The following CSNK1G3 variants were observed in gnomAD, a reference collection of about 807,000 sequenced individuals.
CSNK1G3 encodes the protein casein kinase 1 gamma 3, also known as casein kinase I isoform gamma-3.
CSNK1G3 carries 23 observed loss-of-function variants against 64.3 expected under a neutral mutation model. The observed-to-expected ratio is 0.36, with a 90% CI of 0.26 to 0.51. CSNK1G3 has a LOEUF of 0.51. Among genes scored for constraint, CSNK1G3 ranks in the 20% least tolerant of loss-of-function variants. The pLI is 0.96. For missense variants in CSNK1G3, 357 were observed against 510.5 expected (o/e 0.70, Z 2.90); for synonymous variants, 158 against 162.2 (o/e 0.97, Z 0.20).
At chr5:123,604,920 ATTT>A in intron 11 of CSNK1G3, 90 bp downstream of exon 12, 1 of 1,046,946 alleles carries the variant, frequency 9.6e-7, no homozygotes, top group Non-Finnish European at 1.4e-6. Flanking sequence ...ATTTCAGGAA[ATTT>A]TTTTCAGGGA....
intron 10 of CSNK1G3, among the ~76,000 whole-genome samples, chr5:123,598,622 A>T (rs1793878398): frequency 6.6e-6 from 1 of 152,106 alleles, no homozygotes; most frequent in Admixed American, 6.6e-5. Flanking sequence ...AGAGAGAGAC[A>T]TATTGAGGAA....
intron 1 of CSNK1G3, among the ~76,000 whole-genome samples, chr5:123,516,297 G>A (rs769685401): frequency 3.9e-5 from 6 of 152,124 alleles, no homozygotes; most frequent in African/African-American, 7.2e-5. Context: ...TTCTTAATGT[G>A]TAGAAATCAA....
At chr5:123,545,590 C>A in exon 2 of CSNK1G3, 1 of 1,239,762 alleles carries the variant, frequency 8.1e-7, no homozygotes, top group Non-Finnish European at 1.1e-6. Context: ...AGTGATGTAC[C>A]TATTTTCACA....
intron 2 of CSNK1G3, among the ~76,000 whole-genome samples, chr5:123,547,475 A>AAAGCTAGTTGACCATTTTAAC (rs1561494982): frequency 6.6e-6 from 1 of 152,174 alleles, no homozygotes; most frequent in Non-Finnish European, 1.5e-5. Context: ...GTATTCACAC[A>AAAGCTAGTTGACCATTTTAAC]AAGCTAGTTG....
intron 4 of CSNK1G3, among the ~76,000 whole-genome samples, chr5:123,571,909 A>T (rs560410286): frequency 6.6e-6 from 1 of 152,324 alleles, no homozygotes; most frequent in African/African-American, 2.4e-5. Context: ...GTTATTTACG[A>T]GTGGGCATTA....
intron 8 of CSNK1G3, among the ~76,000 whole-genome samples, chr5:123,588,826 T>A (rs1609850): frequency 0.98 from 148,522 of 152,238 alleles, 72,455 homozygotes; most frequent in East Asian, 0.99. Flanking sequence ...GTTTTGGTAT[T>A]CAGTGTTAGT....
At chr5:123,521,163 A>G (rs917456676) in intron 1 of CSNK1G3, among the ~76,000 whole-genome samples, 3 of 152,098 alleles carry the variant, frequency 2.0e-5, no homozygotes, top group African/African-American at 7.2e-5. Context: ...GTGTTTATAG[A>G]TGCATATTTT....
intron 6 of CSNK1G3, among the ~76,000 whole-genome samples, chr5:123,580,905 A>G (rs1041362306): frequency 2.6e-5 from 4 of 151,916 alleles, no homozygotes; most frequent in African/African-American, 9.6e-5. Flanking sequence ...AAGTGTTAAT[A>G]GAAGAATGAT....
intron 1 of CSNK1G3, among the ~76,000 whole-genome samples, chr5:123,534,080 T>A (rs1780411697): frequency 1.3e-5 from 2 of 152,086 alleles, no homozygotes; most frequent in African/African-American, 4.8e-5. Context: ...ATCTACAGTA[T>A]GTATTAACTG....
At chr5:123,590,854 A>G (rs1792206057) in intron 9 of CSNK1G3, among the ~76,000 whole-genome samples, 1 of 152,044 alleles carries the variant, frequency 6.6e-6, no homozygotes, top group Non-Finnish European at 1.5e-5. Flanking sequence ...GATTAATTTA[A>G]TACTTCAATC....
At chr5:123,597,998 CAAAA>C (rs1793751678) in intron 10 of CSNK1G3, among the ~76,000 whole-genome samples, 1 of 152,090 alleles carries the variant, frequency 6.6e-6, no homozygotes, top group Non-Finnish European at 1.5e-5. Context: ...GAGGTACAGT[CAAAA>C]GAAAGCATTG....
At chr5:123,523,861 G>A (rs61189261) in intron 1 of CSNK1G3, among the ~76,000 whole-genome samples, 6,741 of 152,178 alleles carry the variant, frequency 0.044, 229 homozygotes, top group African/African-American at 0.089. Context: ...AGGTTTCATT[G>A]TGGAAATAGC....
intron 4 of CSNK1G3, among the ~76,000 whole-genome samples, chr5:123,561,605 G>A (rs1293573090): frequency 1.3e-5 from 2 of 152,144 alleles, no homozygotes; most frequent in Non-Finnish European, 2.9e-5. Flanking sequence ...TGTAACAGGA[G>A]GGAAGGAGGA....
At chr5:123,530,536 C>G (rs1376546873) in intron 1 of CSNK1G3, among the ~76,000 whole-genome samples, 1 of 152,082 alleles carries the variant, frequency 6.6e-6, no homozygotes, top group African/African-American at 2.4e-5. Flanking sequence ...TACATATGTA[C>G]TTTCCATTTT....
At chr5:123,612,374 G>T (rs2151263611) in intron 12 of CSNK1G3, among the ~76,000 whole-genome samples, 1 of 152,222 alleles carries the variant, frequency 6.6e-6, no homozygotes, top group South Asian at 2.1e-4. Flanking sequence ...AATTTAACTG[G>T]ACAGTGTAGA....
At chr5:123,569,720 GTC>G (rs1402753121) in intron 4 of CSNK1G3, among the ~76,000 whole-genome samples, 1 of 152,084 alleles carries the variant, frequency 6.6e-6, no homozygotes, top group African/African-American at 2.4e-5. Flanking sequence ...TGAAGTAAGA[GTC>G]TCTTCATTCA....
intron 6 of CSNK1G3, among the ~76,000 whole-genome samples, chr5:123,587,601 C>A (rs914686171): frequency 6.6e-6 from 1 of 152,126 alleles, no homozygotes; most frequent in East Asian, 1.9e-4. Context: ...ACTCCATAAT[C>A]GTGTTTAATT....
chr5:123,616,123 A>G (rs767264161), exon 13 of CSNK1G3: 1 of 152,396 alleles, frequency 6.6e-6, no homozygotes, highest in Non-Finnish European at 1.5e-5. Flanking sequence ...CCTACAAAAC[A>G]TTTGCTGTAT....
chr5:123,538,978 G>C (rs927193256), intron 1 of CSNK1G3, among the ~76,000 whole-genome samples: 1 of 151,980 alleles, frequency 6.6e-6, no homozygotes, highest in Non-Finnish European at 1.5e-5. Flanking sequence ...TTTGTATTTA[G>C]GTTTATGATC....
Sources: gnomAD v4.1 joint callset for allele counts (sites outside exome capture counted in the v4.1 genomes callset) on GRCh38, gnomAD v4.1.1 for gene constraint, MANE v1.5 for transcripts, NCBI Gene and HGNC (gene_info 2026-07-23, HGNC 2026-07-21) for gene names.